The following TMCO5A variants were observed in gnomAD, a reference collection of about 807,000 sequenced individuals.
TMCO5A encodes the protein transmembrane and coiled-coil domains 5A.
Under a neutral mutation model 42.3 loss-of-function variants are expected in TMCO5A, and 34 were observed. That is an observed-to-expected ratio of 0.80 (90% CI 0.61 to 1.07). The LOEUF is 1.07. Ranked by LOEUF, TMCO5A falls within the 50% of genes least tolerant of loss-of-function variation. The pLI, the probability that TMCO5A is intolerant of heterozygous loss-of-function variation, is 0.00. For missense variants in TMCO5A, 357 were observed against 327.9 expected (o/e 1.09, Z -0.69); for synonymous variants, 131 against 115.6 (o/e 1.13, Z -0.86).
At chr15:38,034,432 A>G in the TMCO5A span, among the ~76,000 whole-genome samples, 3 of 152,216 alleles carry the variant, frequency 2.0e-5, no homozygotes, top group Non-Finnish European at 4.4e-5. Context: ...TTGAGTGAGC[A>G]CAGAGGAGAA....
At chr15:38,035,494 G>A in the TMCO5A span, among the ~76,000 whole-genome samples, 2 of 152,172 alleles carry the variant, frequency 1.3e-5, no homozygotes, top group South Asian at 2.1e-4. Context: ...CACAAAAGTA[G>A]TTAACTTGAG....
chr15:37,975,087 G>A, the TMCO5A span, among the ~76,000 whole-genome samples: 1 of 152,108 alleles, frequency 6.6e-6, no homozygotes, highest in Admixed American at 6.5e-5. Flanking sequence ...TATTTTTATT[G>A]TACTGTGATC....
At chr15:38,027,974 A>C in the TMCO5A span, among the ~76,000 whole-genome samples, 1 of 152,102 alleles carries the variant, frequency 6.6e-6, no homozygotes, top group African/African-American at 2.4e-5. Context: ...AAATTACCCA[A>C]TCTTGGGTAT....
the TMCO5A span, among the ~76,000 whole-genome samples, chr15:37,996,419 G>A: frequency 6.6e-6 from 1 of 152,188 alleles, no homozygotes; most frequent in Non-Finnish European, 1.5e-5. Context: ...AGAAAACTAG[G>A]AAGTCTGTTT....
the TMCO5A span, among the ~76,000 whole-genome samples, chr15:38,021,737 A>T: frequency 6.6e-6 from 1 of 152,148 alleles, no homozygotes; most frequent in African/African-American, 2.4e-5. Context: ...TAAAATATAC[A>T]ATATTAACTT....
chr15:37,970,583 A>C (rs972965106), downstream of TMCO5A, among the ~76,000 whole-genome samples: 1 of 152,200 alleles, frequency 6.6e-6, no homozygotes, highest in African/African-American at 2.4e-5. Flanking sequence ...ATTAACTCAA[A>C]AGTCCACAGT....
the TMCO5A span, chr15:38,040,226 G>A: frequency 6.6e-6 from 1 of 152,424 alleles, no homozygotes; most frequent in East Asian, 1.9e-4. Flanking sequence ...TCAGAGGGAG[G>A]AGATATGACA....
intron 11 of TMCO5A, among the ~76,000 whole-genome samples, chr15:37,963,111 T>A (rs1890473437): frequency 6.6e-6 from 1 of 152,122 alleles, no homozygotes; most frequent in African/African-American, 2.4e-5. Flanking sequence ...TGGTTTGTTC[T>A]TGTTTCTGTA....
the TMCO5A span, among the ~76,000 whole-genome samples, chr15:38,033,569 T>G: frequency 6.6e-6 from 1 of 151,726 alleles, no homozygotes; most frequent in Admixed American, 6.6e-5. Flanking sequence ...ATTTTTTTTT[T>G]GTCTGTTTTT....
the TMCO5A span, among the ~76,000 whole-genome samples, chr15:37,986,819 C>G: frequency 3.3e-5 from 5 of 151,982 alleles, no homozygotes; most frequent in African/African-American, 1.2e-4. Flanking sequence ...TTAATGGACA[C>G]TTATGTTGCT....
exon 12 of TMCO5A, chr15:37,967,673 A>G (rs1312630289): frequency 6.6e-6 from 1 of 152,216 alleles, no homozygotes; most frequent in Admixed American, 6.5e-5. Flanking sequence ...GCAGTGAAGT[A>G]TATCTTTTCA....
downstream of TMCO5A, among the ~76,000 whole-genome samples, chr15:37,955,275 A>AC (rs1491285159): frequency 1.4e-5 from 2 of 137,984 alleles, no homozygotes; most frequent in African/African-American, 5.1e-5. Context: ...AAAAAAAAAA[A>AC]CTTAACAAGA....
At chr15:38,033,611 T>TTTTTGTTTTG in the TMCO5A span, among the ~76,000 whole-genome samples, 14 of 151,980 alleles carry the variant, frequency 9.2e-5, no homozygotes, top group South Asian at 2.7e-3. Context: ...TGTTTGGGTT[T>TTTTTGTTTTG]TTTTGTTTTG....
chr15:37,967,985 G>T (rs1471983535), downstream of TMCO5A, among the ~76,000 whole-genome samples: 1 of 152,194 alleles, frequency 6.6e-6, no homozygotes, highest in African/African-American at 2.4e-5. Context: ...AGAAAGGAAT[G>T]CTGTTAATAA....
chr15:37,949,554 T>C (rs1890087012), intron 11 of TMCO5A, among the ~76,000 whole-genome samples: 1 of 151,986 alleles, frequency 6.6e-6, no homozygotes, highest in African/African-American at 2.4e-5. Context: ...CATAGCAAAC[T>C]TTGGTATGTG....
chr15:37,966,616 T>C (rs1009800623), intron 11 of TMCO5A: 1 of 702,918 alleles, frequency 1.4e-6, no homozygotes, highest in South Asian at 1.5e-5. Context: ...CTTTTTCTTC[T>C]CTCTTCAGAT....
At chr15:37,947,925 C>T (rs538751964) in intron 11 of TMCO5A, among the ~76,000 whole-genome samples, 1 of 152,070 alleles carries the variant, frequency 6.6e-6, no homozygotes, top group Non-Finnish European at 1.5e-5. Flanking sequence ...TATTAAAAAT[C>T]AACAGCCTTG....
At chr15:37,979,961 C>T in the TMCO5A span, among the ~76,000 whole-genome samples, 1 of 151,904 alleles carries the variant, frequency 6.6e-6, no homozygotes, top group Non-Finnish European at 1.5e-5. Flanking sequence ...AACATTCTGG[C>T]CACTTTTTCA....
At chr15:38,010,065 G>A in the TMCO5A span, among the ~76,000 whole-genome samples, 8 of 152,134 alleles carry the variant, frequency 5.3e-5, no homozygotes, top group South Asian at 1.0e-3. Flanking sequence ...AAACTCAATT[G>A]CAGGTATCTT....
Sources: gnomAD v4.1 joint callset for allele counts (sites outside exome capture counted in the v4.1 genomes callset) on GRCh38, gnomAD v4.1.1 for gene constraint, MANE v1.5 for transcripts, NCBI Gene and HGNC (gene_info 2026-07-23, HGNC 2026-07-21) for gene names.